Variants in IQGAP1 observed in about 807,000 individuals in gnomAD.
IQGAP1 encodes ras GTPase-activating-like protein IQGAP1.
Under a neutral mutation model 215.6 loss-of-function variants are expected in IQGAP1, and 66 were observed. The ratio of observed to expected loss-of-function variants is 0.31; its 90% CI spans 0.25 to 0.38. IQGAP1 has a LOEUF of 0.38. Ranked by LOEUF, IQGAP1 falls within the 10% of genes least tolerant of loss-of-function variation. The probability of loss-of-function intolerance (pLI) is 1.00; values close to 1 mark genes in which losing one functional copy is unlikely to be tolerated. For synonymous variants in IQGAP1, 772 were observed against 728.7 expected, an observed-to-expected ratio of 1.06 and a Z score of -0.96; for missense variants, 1,712 against 1,997.1, an observed-to-expected ratio of 0.86 and a Z score of 2.72.
Position 90,482,093 on chromosome 15 carries a change from A to C in IQGAP1, c.3463A>C (p.Lys1155Gln). ...CTCAGCCATTGTCAGCTCTGTGGAC[A>C]AAATCCCGTGAGTGCCATCAGTTGT... ...FLSAIVSSVD[K>Q]IPYGMRFIAK... The change falls in exon 27 of 38, where the codon AAA (lysine) becomes CAA (glutamine). Residue 1155 changes from lysine (K) to glutamine (Q), a missense_variant. This residue lies in a region of IQGAP1 where 691 missense variants were observed against 923.0 expected (regional missense o/e 0.75). Coordinates refer to ENST00000268182, the MANE Select transcript of IQGAP1 (RefSeq NM_003870.4). 1 of 1,614,242 alleles carries C rather than the reference A, an allele frequency of 6.2e-7. No individual in the cohort carries two copies. The highest frequency in any genetic ancestry group is 2.2e-5 in the East Asian group (1 of 44,894).
At chr15:90,496,057 A>C (rs1315494719) in intron 36 of IQGAP1, among the ~76,000 whole-genome samples, 1 of 151,554 alleles carries the variant, frequency 6.6e-6, no homozygotes, top group African/African-American at 2.4e-5. Flanking sequence ...CTAAATAGCC[A>C]ACTAAATCTG....
At chr15:90,430,328 C>T (rs1748739159) in intron 4 of IQGAP1, among the ~76,000 whole-genome samples, 1 of 152,136 alleles carries the variant, frequency 6.6e-6, no homozygotes, top group Admixed American at 6.6e-5. Flanking sequence ...CTTTTGTTCT[C>T]ATTTTTTTCT....
rs748094605 is a variant in IQGAP1 at position 90,497,197 on chromosome 15, A to G, written c.4752-35A>G. ...ACAGAATATTTTTATATGAGAATAT[A>G]AAAACCATACCCTTACGATGTTATC... On this transcript the variant is annotated intron_variant, in intron 36 of 37. Transcript: ENST00000268182. 1.1e-4 allele frequency: 119 copies of G among 1,104,190 alleles called. 1 individual carries two copies. In the East Asian group the frequency reaches 2.0e-3, roughly 19 times the overall value. The allele number at this position is 1,104,190 out of a possible 1,614,324, so 68.4% of individuals were successfully genotyped here.
At chr15:90,407,142 C>G (rs1434605059) in intron 2 of IQGAP1, among the ~76,000 whole-genome samples, 1 of 152,176 alleles carries the variant, frequency 6.6e-6, no homozygotes, top group Non-Finnish European at 1.5e-5. Context: ...AGCTGAGGAA[C>G]CACTCCCAAT....
chr15:90,412,766 A>G (rs372891402), intron 2 of IQGAP1, among the ~76,000 whole-genome samples: 1 of 152,204 alleles, frequency 6.6e-6, no homozygotes, highest in Admixed American at 6.5e-5. Flanking sequence ...GGTTTTTAGC[A>G]TAGAGTAACC....
In IQGAP1 at chr15:90,472,325, T is replaced by G. The variant is rs188110527; in HGVS notation, c.2179-515T>G. 2.8e-3 allele frequency among the ~76,000 whole-genome samples: 419 copies of G among 152,260 alleles called. 1 individual carries two copies. Among genetic ancestry groups the G allele is most frequent in the Non-Finnish European group, 3.7e-3 (253 of 68,018 alleles). ...GTTTTATTCCTTTGCTTGACAAAAT[T>G]TCCTGGCTGTCCAGTATCTTTAGTA... is the stretch of plus-strand genomic sequence containing the variant. On this transcript the variant is annotated intron_variant, in intron 18 of 37. Coordinates refer to ENST00000268182, the MANE Select transcript of IQGAP1 (RefSeq NM_003870.4).
Position 90,453,308 on chromosome 15 carries a change from G to A in IQGAP1, c.1487+16G>A. 1.3e-6 allele frequency: 2 copies of A among 1,598,880 alleles called. No individual in the cohort carries two copies. The highest frequency in any genetic ancestry group is 1.7e-6 in the Non-Finnish European group (2 of 1,171,280). On this transcript the variant is annotated intron_variant, in intron 13 of 37. Transcript: ENST00000268182. ...ACTGTCAGAGGTGGGTGTCCAGAGT[G>A]AAGGGAATAAATCCATTACGTAGCT...
At chr15:90,486,257 G>A (rs1655748982) in intron 31 of IQGAP1, 125 bp downstream of exon 31, 1 of 605,586 alleles carries the variant, frequency 1.7e-6, no homozygotes, top group African/African-American at 1.9e-5. Context: ...TAAAATAGAT[G>A]TGATCCTGAT....
At chr15:90,483,707 G>A in intron 29 of IQGAP1, 114 bp downstream of exon 29, 3 of 725,094 alleles carry the variant, frequency 4.1e-6, no homozygotes, top group African/African-American at 1.8e-5. Context: ...ATATGTAGAA[G>A]ACGTGTTTGA....
chr15:90,395,099 T>C (rs1451174647), intron 2 of IQGAP1, among the ~76,000 whole-genome samples: 1 of 152,234 alleles, frequency 6.6e-6, no homozygotes, highest in Non-Finnish European at 1.5e-5. Context: ...TAGAGATTTC[T>C]GCTTTTCTTC....
At position 90,394,188 on chromosome 15, in the gene IQGAP1, G is replaced by GTTT. The variant is rs34483049; in HGVS notation, c.155+3330_155+3332dup. On this transcript the variant is annotated intron_variant, in intron 2 of 37. Transcript: ENST00000268182. ...TGGAGACATTTGTGATGATCTTCAG[G>GTTT]TTTTTTTTTTTTTTTTTAAGGGAGG... 8.0e-4 allele frequency among the ~76,000 whole-genome samples: 99 copies of GTTT among 124,260 alleles called. 1 individual carries two copies. Among genetic ancestry groups the GTTT allele is most frequent in the African/African-American group, 1.9e-3 (62 of 32,274 alleles). The allele number at this position is 124,260 out of a possible 152,430, so 81.5% of individuals were successfully genotyped here.
intron 33 of IQGAP1, among the ~76,000 whole-genome samples, chr15:90,488,397 G>A (rs1040012731): frequency 2.7e-5 from 4 of 147,180 alleles, no homozygotes; most frequent in African/African-American, 7.9e-5. Context: ...GTATTATTTT[G>A]TATTGTTGTA....
At chr15:90,393,106 TAAAAAAAA>T (rs11359516) in intron 2 of IQGAP1, among the ~76,000 whole-genome samples, 1 of 143,932 alleles carries the variant, frequency 6.9e-6, no homozygotes, top group Non-Finnish European at 1.5e-5. Context: ...CTGGGGAACT[TAAAAAAAA>T]AAAAAAATAC....
intron 7 of IQGAP1, among the ~76,000 whole-genome samples, chr15:90,440,950 A>G (rs1380994064): frequency 6.6e-6 from 1 of 152,150 alleles, no homozygotes; most frequent in Non-Finnish European, 1.5e-5. Context: ...TACTAAAAAT[A>G]CAAAAATTTA....
chr15:90,435,016 G>C (rs1965351730), intron 5 of IQGAP1, among the ~76,000 whole-genome samples: 1 of 152,124 alleles, frequency 6.6e-6, no homozygotes, highest in Non-Finnish European at 1.5e-5. Context: ...TAATTACATT[G>C]GAGTAGGTAT....
At chr15:90,451,305 A>G (rs1404122965) in intron 11 of IQGAP1, among the ~76,000 whole-genome samples, 1 of 152,172 alleles carries the variant, frequency 6.6e-6, no homozygotes, top group African/African-American at 2.4e-5. Context: ...CAGGCTGTGC[A>G]AGAAGCAAGG....
In IQGAP1 at chr15:90,477,219, A is replaced by G; in HGVS notation, c.3093A>G (p.Gln1031=). Residue 1031 remains glutamine (Q), a synonymous_variant, in exon 25 of 38, where the codon CAA becomes CAG. Transcript: ENST00000268182. ...LLLRLFKTAL[Q]EEIKSKVDQI... is the part of the protein sequence containing the mutation. ...TGCGGCTCTTTAAGACAGCACTCCA[A>G]GAGGAAATCAAGTATGAACAGATTT... 6.2e-7 allele frequency: 1 copy of G among 1,614,102 alleles called. No homozygotes were observed. Among genetic ancestry groups the G allele is most frequent in the Non-Finnish European group, 8.5e-7 (1 of 1,180,000 alleles).
In IQGAP1 at chr15:90,487,085, C is replaced by A. The variant is rs775140593; in HGVS notation, c.4156C>A (p.Leu1386Met). Reference protein sequence around the residue: ...NAEMDARTILLNTKRLIVDVI... With the variant: ...NAEMDARTILMNTKRLIVDVI... ...AGAAATGGATGCTCGAACCATCTTA[C>A]TGAAGTGAGTATCAAAAGAAGGAAG... The change falls in exon 32 of 38, where the codon CTG (leucine) becomes ATG (methionine). Residue 1386 changes from leucine (L) to methionine (M), a missense_variant. Physicochemically the swap from Leu to Met is conservative, Grantham distance 15 (BLOSUM62 2). Around this residue, in one of 2 missense-constraint regions of IQGAP1, gnomAD observed 691 missense variants for 923.0 expected, o/e 0.75. Transcript: ENST00000268182. The A allele has an allele frequency of 1.2e-6, 2 of 1,613,932 alleles. No individual in the cohort carries two copies. The highest frequency in any genetic ancestry group is 1.1e-5 in the South Asian group (1 of 91,040).
At chr15:90,391,503 G>T (rs1274523625) in intron 2 of IQGAP1, 4 of 152,178 alleles carry the variant, frequency 2.6e-5, no homozygotes, top group Non-Finnish European at 5.9e-5. Flanking sequence ...GAAGTTATTG[G>T]CTTTAATGTT....
Sources: allele counts gnomAD v4.1 joint callset (sites outside exome capture counted in the v4.1 genomes callset), GRCh38; gene constraint gnomAD v4.1.1; regional missense constraint gnomAD v4.1.1; transcripts MANE v1.5; gene names NCBI Gene and HGNC (gene_info 2026-07-23, HGNC 2026-07-21).